Variants in NELL2 observed in about 807,000 individuals in gnomAD.
The protein encoded by NELL2 is protein kinase C-binding protein NELL2.
Under a neutral mutation model 109.6 loss-of-function variants are expected in NELL2, and 41 were observed. That is an observed-to-expected ratio of 0.37 (90% CI 0.29 to 0.49). The LOEUF (loss-of-function observed/expected upper bound fraction) is 0.49. Among genes scored for constraint, NELL2 ranks in the 20% least tolerant of loss-of-function variants. NELL2 has a pLI of 0.98. For missense variants in NELL2, 900 were observed against 1,008.3 expected, an observed-to-expected ratio of 0.89 and a Z score of 1.45; for synonymous variants, 355 against 344.7, an observed-to-expected ratio of 1.03 and a Z score of -0.33.
chr12:44,776,044 C>A lies in NELL2; in HGVS notation c.869G>T (p.Gly290Val). ...TYREFESWIDGCKNCTCLNGT... is the reference protein window; with the variant it reads ...TYREFESWIDVCKNCTCLNGT... Reference sequence around the variant, plus strand: ...TACCAGGCATGTGCAGTTCTTACAGCCGTCTATCCAGGACTCAAATTCTCG... The same window carrying A: ...TACCAGGCATGTGCAGTTCTTACAGACGTCTATCCAGGACTCAAATTCTCG... Residue 290 changes from glycine to valine, a missense_variant, in exon 8 of 20, where the codon GGC becomes GTC. Gly to Val is a moderately radical substitution (Grantham distance 109). Transcript: ENST00000429094. 1.2e-6 allele frequency: 2 copies of A among 1,613,832 alleles called. No individual in the cohort carries two copies. The highest frequency in any genetic ancestry group is 1.7e-6 in the Non-Finnish European group (2 of 1,179,884).
intron 13 of NELL2, among the ~76,000 whole-genome samples, chr12:44,660,025 T>C (rs1310139406): frequency 1.3e-5 from 2 of 152,174 alleles, no homozygotes; most frequent in East Asian, 1.9e-4. Context: ...ATCATTCACC[T>C]AGGTTAAGCT....
chr12:44,663,264 A>C (rs1414828081), intron 13 of NELL2, among the ~76,000 whole-genome samples: 1 of 152,142 alleles, frequency 6.6e-6, no homozygotes, highest in African/African-American at 2.4e-5. Context: ...AAAAAAAATA[A>C]GCTTTGGCAA....
chr12:44,870,787 A>G lies in NELL2; in HGVS notation c.184+4438T>C, dbSNP rs535231765. On this transcript the variant is annotated intron_variant, in intron 2 of 19. Transcript: ENST00000429094. ...TTCTGATTACACAGGGCTCACCCAG[A>G]TAACCTATGATAGCCTCCTAATCTT... 5.3e-5 allele frequency among the ~76,000 whole-genome samples: 8 copies of G among 152,270 alleles called. No homozygotes were observed. In the South Asian group the frequency reaches 1.7e-3, roughly 32 times the overall value.
chr12:44,768,091 G>A (rs1941405482), intron 9 of NELL2, among the ~76,000 whole-genome samples: 1 of 152,058 alleles, frequency 6.6e-6, no homozygotes, highest in South Asian at 2.1e-4. Context: ...CATTTCCCTG[G>A]CATTGCAGCT....
chr12:44,612,480 T>C (rs1945658056), intron 13 of NELL2, among the ~76,000 whole-genome samples: 1 of 151,728 alleles, frequency 6.6e-6, no homozygotes, highest in Admixed American at 6.6e-5. Flanking sequence ...ATTCCACCCA[T>C]ATTATCTAGT....
chr12:44,792,275 G>T (rs999639037), intron 3 of NELL2, among the ~76,000 whole-genome samples: 17 of 152,134 alleles, frequency 1.1e-4, no homozygotes, highest in African/African-American at 4.1e-4. Context: ...ATGGCAAAGA[G>T]AAGAAACAGA....
chr12:44,817,125 T>C (rs1943379817), intron 2 of NELL2, among the ~76,000 whole-genome samples: 1 of 152,158 alleles, frequency 6.6e-6, no homozygotes, highest in Non-Finnish European at 1.5e-5. Context: ...TCATGCACTG[T>C]AAAACATTTA....
intron 15 of NELL2, among the ~76,000 whole-genome samples, chr12:44,582,335 T>C (rs1401013506): frequency 2.0e-5 from 3 of 152,100 alleles, no homozygotes; most frequent in Non-Finnish European, 4.4e-5. Context: ...AGGAGCAGAA[T>C]GGAAGCCAAA....
At chr12:44,673,276 T>C (rs1052362308) in intron 12 of NELL2, among the ~76,000 whole-genome samples, 2 of 152,198 alleles carry the variant, frequency 1.3e-5, no homozygotes, top group East Asian at 1.9e-4. Context: ...TAAAAAGTAA[T>C]CTGGTGGAAA....
intron 12 of NELL2, 131 bp from the exon 13 acceptor site, chr12:44,665,740 C>G: frequency 9.5e-7 from 1 of 1,049,984 alleles, no homozygotes; most frequent in Non-Finnish European, 1.3e-6. Context: ...CATGATATCT[C>G]CTTTGCTAGG....
chr12:44,788,978 C>T (rs967101674), intron 3 of NELL2, among the ~76,000 whole-genome samples: 2 of 152,016 alleles, frequency 1.3e-5, no homozygotes, highest in African/African-American at 2.4e-5. Context: ...GGGAACCTCA[C>T]CCCCAACCCC....
chr12:44,627,922 T>C (rs1321154754), intron 13 of NELL2, among the ~76,000 whole-genome samples: 1 of 152,202 alleles, frequency 6.6e-6, no homozygotes, highest in Non-Finnish European at 1.5e-5. Flanking sequence ...AATGTATTCC[T>C]GGAAACCACA....
At chr12:44,773,951 T>A (rs1451689610) in intron 9 of NELL2, among the ~76,000 whole-genome samples, 2 of 152,166 alleles carry the variant, frequency 1.3e-5, no homozygotes, top group East Asian at 3.9e-4. Context: ...TTTGAGAGTA[T>A]ACATATAAAT....
At position 44,875,884 on chromosome 12, in the gene NELL2, C is replaced by T; in HGVS notation, c.-15G>A. 6.2e-7 allele frequency: 1 copy of T among 1,613,990 alleles called. No homozygotes were observed. ...CGAGACTCCATGGTGCGGATCAGCT[C>T]AGTCCATCGTCTCCCTCTTTAAAAA... On this transcript the variant is annotated 5_prime_UTR_variant, in exon 1 of 20. It removes the in-frame stop codon of an upstream open reading frame in the 5' UTR. Transcript: ENST00000429094.
chr12:44,586,702 G>T (rs538196511), intron 15 of NELL2, among the ~76,000 whole-genome samples: 1 of 152,146 alleles, frequency 6.6e-6, no homozygotes, highest in African/African-American at 2.4e-5. Flanking sequence ...TACAATAATA[G>T]ATGTATTGCA....
intron 15 of NELL2, among the ~76,000 whole-genome samples, chr12:44,606,054 C>G (rs1042471344): frequency 1.3e-5 from 2 of 152,072 alleles, no homozygotes; most frequent in Non-Finnish European, 2.9e-5. Context: ...AGAAAGAATC[C>G]TACATACCAA....
At chr12:44,879,817 C>T (rs548598910), upstream of NELL2, among the ~76,000 whole-genome samples, 13 of 152,080 alleles carry the variant, frequency 8.5e-5, no homozygotes, top group African/African-American at 2.4e-4. Flanking sequence ...GCCAGCTGCA[C>T]GTGCCCTTGT....
intron 2 of NELL2, among the ~76,000 whole-genome samples, chr12:44,831,055 C>T (rs1943871990): frequency 6.6e-6 from 1 of 151,932 alleles, no homozygotes; most frequent in Non-Finnish European, 1.5e-5. Context: ...ATACTCACAA[C>T]CCACCACCAG....
intron 3 of NELL2, among the ~76,000 whole-genome samples, chr12:44,805,446 G>A (rs1942967458): frequency 6.6e-6 from 1 of 151,834 alleles, no homozygotes; most frequent in Non-Finnish European, 1.5e-5. Context: ...CAGCATTGAT[G>A]GAGATTTGAG....
Sources: gnomAD v4.1 joint callset for allele counts (sites outside exome capture counted in the v4.1 genomes callset) on GRCh38, gnomAD v4.1.1 for gene constraint, MANE v1.5 for transcripts, NCBI Gene and HGNC (gene_info 2026-07-23, HGNC 2026-07-21) for gene names.